The following NAALADL2 variants were observed in gnomAD, a reference collection of about 807,000 sequenced individuals.
The protein encoded by NAALADL2 is N-acetylated alpha-linked acidic dipeptidase like 2, also known as inactive N-acetylated-alpha-linked acidic dipeptidase-like protein 2.
In NAALADL2, 76 loss-of-function variants were observed where a neutral mutation model predicts 87.2. That is an observed-to-expected ratio of 0.87 (90% CI 0.72 to 1.05). The LOEUF (loss-of-function observed/expected upper bound fraction) is 1.05. NAALADL2 is among the 50% of genes least tolerant of loss of function. The probability of loss-of-function intolerance (pLI) is 0.00; values close to 1 mark genes in which losing one functional copy is unlikely to be tolerated. For synonymous variants in NAALADL2, 354 were observed against 331.0 expected, an observed-to-expected ratio of 1.07 and a Z score of -0.75; for missense variants, 1,089 against 945.8, an observed-to-expected ratio of 1.15 and a Z score of -1.99.
chr3:174,948,429 G>C (rs1025309642), intron 1 of NAALADL2, among the ~76,000 whole-genome samples: 1 of 151,990 alleles, frequency 6.6e-6, no homozygotes, highest in Non-Finnish European at 1.5e-5. Flanking sequence ...CACCCGCCTC[G>C]GCCTCTCAAA....
chr3:175,397,608 C>T (rs1192736738), intron 5 of NAALADL2, among the ~76,000 whole-genome samples: 3 of 152,108 alleles, frequency 2.0e-5, no homozygotes, highest in Non-Finnish European at 1.5e-5. Context: ...GGACAAGTCC[C>T]TTCTTATTCT....
chr3:175,087,996 A>G (rs1719374495), intron 1 of NAALADL2, among the ~76,000 whole-genome samples: 1 of 152,132 alleles, frequency 6.6e-6, no homozygotes, highest in African/African-American at 2.4e-5. Flanking sequence ...GAACTTCACA[A>G]TTCTTGGTTT....
At chr3:175,609,961 C>T (rs1375852093) in intron 10 of NAALADL2, among the ~76,000 whole-genome samples, 3 of 151,980 alleles carry the variant, frequency 2.0e-5, no homozygotes, top group African/African-American at 7.2e-5. Context: ...AAATCAGTCA[C>T]CTTCTTTATG....
At chr3:175,669,151 A>T (rs989127856) in intron 11 of NAALADL2, among the ~76,000 whole-genome samples, 2 of 152,070 alleles carry the variant, frequency 1.3e-5, no homozygotes, top group Non-Finnish European at 2.9e-5. Flanking sequence ...TAAAGCAATT[A>T]AACAAAAGGG....
intron 2 of NAALADL2, among the ~76,000 whole-genome samples, chr3:175,133,673 T>C (rs547336491): frequency 4.9e-4 from 75 of 152,210 alleles, no homozygotes; most frequent in African/African-American, 1.7e-3. Flanking sequence ...ATGGCAGCAG[T>C]ACAGTCCAGC....
intron 2 of NAALADL2, among the ~76,000 whole-genome samples, chr3:175,147,345 G>A (rs1275507305): frequency 6.6e-6 from 1 of 152,036 alleles, no homozygotes; most frequent in Non-Finnish European, 1.5e-5. Context: ...GCCGTATTTG[G>A]TTTTCTGTTC....
intron 2 of NAALADL2, among the ~76,000 whole-genome samples, chr3:174,690,321 C>A (rs982883123): frequency 1.3e-5 from 2 of 152,054 alleles, no homozygotes; most frequent in Non-Finnish European, 2.9e-5. Context: ...TTTCATACTT[C>A]ATTTGTAGGA....
intron 2 of NAALADL2, among the ~76,000 whole-genome samples, chr3:175,120,364 T>C (rs1462409446): frequency 6.6e-6 from 1 of 151,822 alleles, no homozygotes; most frequent in Non-Finnish European, 1.5e-5. Context: ...CTAAAAGGTA[T>C]GGATTTCTAA....
chr3:175,325,617 T>C (rs1373960905), intron 5 of NAALADL2, among the ~76,000 whole-genome samples: 2 of 152,238 alleles, frequency 1.3e-5, no homozygotes, highest in Non-Finnish European at 2.9e-5. Context: ...AAACAGACTC[T>C]GTAAGAGTGC....
chr3:175,487,659 C>A (rs531827431), intron 9 of NAALADL2: 7 of 376,816 alleles, frequency 1.9e-5, no homozygotes, highest in African/African-American at 1.1e-4. Context: ...TTCTGGAGTC[C>A]AATCCACATA....
intron 3 of NAALADL2, among the ~76,000 whole-genome samples, chr3:175,252,004 A>G (rs1301249814): frequency 6.6e-6 from 1 of 152,228 alleles, no homozygotes; most frequent in Admixed American, 6.5e-5. Flanking sequence ...TGTACTATTT[A>G]GAGAAGATGA....
At chr3:174,663,906 G>A (rs1481378389) in intron 2 of NAALADL2, among the ~76,000 whole-genome samples, 2 of 151,692 alleles carry the variant, frequency 1.3e-5, no homozygotes, top group African/African-American at 4.8e-5. Flanking sequence ...TCCTGCCTCA[G>A]CCTCCCGAGT....
chr3:175,694,435 A>G (rs1348616287), intron 11 of NAALADL2, among the ~76,000 whole-genome samples: 2 of 152,230 alleles, frequency 1.3e-5, no homozygotes, highest in Non-Finnish European at 2.9e-5. Context: ...CATGTTCTAG[A>G]GAGTAGTAGT....
chr3:175,619,236 A>AAAGGAAGGAAGGAAGGAAGG (rs1553933925), intron 10 of NAALADL2, among the ~76,000 whole-genome samples: 1 of 142,310 alleles, frequency 7.0e-6, no homozygotes, highest in African/African-American at 2.6e-5. Flanking sequence ...AGAAAGAAAG[A>AAAGGAAGGAAGGAAGGAAGG]AAGGAAGGAA....
intron 2 of NAALADL2, among the ~76,000 whole-genome samples, chr3:174,585,661 TG>T (rs1284660953): frequency 6.8e-6 from 1 of 146,578 alleles, no homozygotes; most frequent in Non-Finnish European, 1.5e-5. Flanking sequence ...TAGTTTTTTT[TG>T]TTTTTTTTTT....
intron 1 of NAALADL2, among the ~76,000 whole-genome samples, chr3:175,011,899 T>C (rs1166737517): frequency 6.6e-6 from 1 of 152,120 alleles, no homozygotes; most frequent in Non-Finnish European, 1.5e-5. Flanking sequence ...AGTAGTATTA[T>C]AATTGGGAAA....
At chr3:175,575,934 G>T in intron 9 of NAALADL2, 107 bp from the exon 10 acceptor site, 1 of 898,834 alleles carries the variant, frequency 1.1e-6, no homozygotes. Flanking sequence ...ACAGTCTCCA[G>T]GGAGACATTG....
At chr3:175,233,646 A>T (rs148437775) in intron 2 of NAALADL2, among the ~76,000 whole-genome samples, 13 of 152,196 alleles carry the variant, frequency 8.5e-5, no homozygotes, top group African/African-American at 2.9e-4. Context: ...GGTTGTCGCT[A>T]TGTTGCCCTG....
chr3:174,758,403 T>C (rs1712425695), intron 3 of NAALADL2, among the ~76,000 whole-genome samples: 2 of 152,314 alleles, frequency 1.3e-5, no homozygotes, highest in South Asian at 4.1e-4. Context: ...AAATAAATAG[T>C]AAATGCTCAG....
Sources: gnomAD v4.1 joint callset for allele counts (sites outside exome capture counted in the v4.1 genomes callset) on GRCh38, gnomAD v4.1.1 for gene constraint, MANE v1.5 for transcripts, NCBI Gene and HGNC (gene_info 2026-07-23, HGNC 2026-07-21) for gene names.